KLF7: variants seen among roughly 807,000 people sequenced by gnomAD.
KLF7 encodes KLF transcription factor 7.
Under a neutral mutation model 27.3 loss-of-function variants are expected in KLF7, and 2 were observed. The ratio of observed to expected loss-of-function variants is 0.07; its 90% CI spans 0.03 to 0.23. The LOEUF is 0.23. Among genes scored for constraint, KLF7 ranks in the 10% least tolerant of loss-of-function variants. The probability of loss-of-function intolerance (pLI) is 1.00; values close to 1 mark genes in which losing one functional copy is unlikely to be tolerated. For synonymous variants in KLF7, 165 were observed against 162.4 expected (o/e 1.02, Z -0.12); for missense variants, 221 against 394.1 (o/e 0.56, Z 3.72).
upstream of KLF7, chr2:207,166,778 A>T: frequency 1.0e-6 from 1 of 991,044 alleles, no homozygotes; most frequent in Non-Finnish European, 1.2e-6. Flanking sequence ...CAGAAAAGGC[A>T]TCCAGGGCCC....
At chr2:207,100,921 G>C (rs886935794) in intron 2 of KLF7, among the ~76,000 whole-genome samples, 1 of 152,092 alleles carries the variant, frequency 6.6e-6, no homozygotes, top group Non-Finnish European at 1.5e-5. Context: ...TTTCTCATTG[G>C]CCTCTTTGTA....
At chr2:207,128,711 T>C (rs1188781924) in intron 1 of KLF7, among the ~76,000 whole-genome samples, 1 of 152,216 alleles carries the variant, frequency 6.6e-6, no homozygotes, top group African/African-American at 2.4e-5. Context: ...TTCTATGATA[T>C]TTCTGTCAAA....
chr2:207,139,424 T>A (rs1481707437), intron 1 of KLF7, among the ~76,000 whole-genome samples: 1 of 152,152 alleles, frequency 6.6e-6, no homozygotes, highest in Non-Finnish European at 1.5e-5. Context: ...TTTTTCACTG[T>A]TCTGTAACCA....
chr2:207,136,885 G>A (rs1297316027), intron 1 of KLF7, among the ~76,000 whole-genome samples: 2 of 152,114 alleles, frequency 1.3e-5, no homozygotes, highest in Non-Finnish European at 2.9e-5. Flanking sequence ...TTTCTCCTCA[G>A]TGCGAGTTTT....
At chr2:207,103,437 T>C (rs2076812534) in intron 2 of KLF7, among the ~76,000 whole-genome samples, 1 of 152,208 alleles carries the variant, frequency 6.6e-6, no homozygotes, top group African/African-American at 2.4e-5. Context: ...GCAGACTTTA[T>C]ATTAAAGAGA....
At chr2:207,167,712 C>T (rs1320538659), upstream of KLF7, among the ~76,000 whole-genome samples, 4 of 152,132 alleles carry the variant, frequency 2.6e-5, no homozygotes, top group African/African-American at 4.8e-5. Flanking sequence ...TGTGCAAGGA[C>T]GCTGCCAGCT....
intron 1 of KLF7, among the ~76,000 whole-genome samples, chr2:207,131,260 A>G (rs1307450747): frequency 6.6e-6 from 1 of 152,216 alleles, no homozygotes; most frequent in Non-Finnish European, 1.5e-5. Context: ...TAATTGCACA[A>G]GCAGGTAAAC....
intron 2 of KLF7, among the ~76,000 whole-genome samples, chr2:207,119,025 C>T (rs1417843682): frequency 6.6e-6 from 1 of 152,180 alleles, no homozygotes; most frequent in African/African-American, 2.4e-5. Flanking sequence ...AAGCAAATTG[C>T]ACACTTGTAT....
At chr2:207,104,094 AT>A (rs371692868) in intron 2 of KLF7, among the ~76,000 whole-genome samples, 45 of 152,314 alleles carry the variant, frequency 3.0e-4, no homozygotes, top group Middle Eastern at 3.4e-3. Flanking sequence ...TAAATGTGGC[AT>A]TGATTAGAAA....
At chr2:207,105,419 AG>A (rs1372405556) in intron 2 of KLF7, among the ~76,000 whole-genome samples, 2 of 152,178 alleles carry the variant, frequency 1.3e-5, no homozygotes, top group Non-Finnish European at 2.9e-5. Flanking sequence ...TTTCCATCTT[AG>A]GGAGGGGAAC....
rs778475315 is a variant in KLF7 at position 207,124,139 on chromosome 2, G to A, written c.368C>T (p.Thr123Ile). 2 of 1,614,198 alleles carry A rather than the reference G, an allele frequency of 1.2e-6. No individual in the cohort carries two copies. The highest frequency in any genetic ancestry group is 1.7e-6 in the Non-Finnish European group (2 of 1,180,038). ...QPASSSLDSY[T>I]AVNQAQLNAV... is the part of the protein sequence containing the mutation. ...GTTGAGCTGGGCCTGGTTGACGGCTGTGTAGCTGTCTAGAGAAGAGCTGGC... is the reference window on the plus strand; with the variant it reads ...GTTGAGCTGGGCCTGGTTGACGGCTATGTAGCTGTCTAGAGAAGAGCTGGC... Residue 123 changes from threonine to isoleucine, a missense_variant, in exon 2 of 4, where the codon ACA becomes ATA. Coordinates refer to ENST00000309446, the MANE Select transcript of KLF7 (RefSeq NM_003709.4).
At chr2:207,129,614 C>T (rs1056793281) in intron 1 of KLF7, among the ~76,000 whole-genome samples, 1 of 152,182 alleles carries the variant, frequency 6.6e-6, no homozygotes. Flanking sequence ...ATAGCATTCT[C>T]ACTTGTTGCA....
intron 1 of KLF7, chr2:207,149,079 C>T (rs2078172516): frequency 8.2e-7 from 1 of 1,222,926 alleles, no homozygotes; most frequent in African/African-American, 1.6e-5. Flanking sequence ...GATGCAGTTT[C>T]CATCAGCTCT....
At chr2:207,166,283 G>T, upstream of KLF7, 1 of 657,360 alleles carries the variant, frequency 1.5e-6, no homozygotes, top group Non-Finnish European at 1.9e-6. Flanking sequence ...GGCGGCGGGC[G>T]CGGATTGGCA....
chr2:207,116,092 G>T (rs1192595866), intron 2 of KLF7, among the ~76,000 whole-genome samples: 1 of 152,224 alleles, frequency 6.6e-6, no homozygotes, highest in African/African-American at 2.4e-5. Flanking sequence ...AAGACAAATA[G>T]AAACTGCCTG....
In KLF7 at chr2:207,134,175, T is replaced by TTTTA. The variant is rs10681871; in HGVS notation, c.103-9772_103-9771insTAAA. 2.8e-5 allele frequency: 38 copies of TTTTA among 1,360,456 alleles called. No individual in the cohort carries two copies. The South Asian group carries it at 2.8e-4, about 10-fold the overall frequency. The allele number at this position is 1,360,456 out of a possible 1,614,324, so 84.3% of individuals were successfully genotyped here. A position where few individuals can be genotyped will look rare whatever the true frequency, so the allele number is the denominator to read the frequency against. On this transcript the variant is annotated intron_variant, in intron 1 of 3. Transcript: ENST00000309446. The stretch of plus-strand genomic sequence containing the variant: ...TGGGATTTTTTTTTTTTTTTTTTTT[T>TTTTA]AAAGCAAACTCATTTCATTGGCTCC...
intron 1 of KLF7, among the ~76,000 whole-genome samples, chr2:207,154,264 G>A (rs954464348): frequency 1.3e-5 from 2 of 152,032 alleles, no homozygotes; most frequent in African/African-American, 2.4e-5. Flanking sequence ...TGTAGTAACC[G>A]GCACTGTATT....
In KLF7 at chr2:207,076,052, C is replaced by T. The variant is rs866697674; in HGVS notation, c.*5161G>A. On this transcript the variant is annotated 3_prime_UTR_variant, in exon 4 of 4. Transcript: ENST00000309446. ...ATACTGGCAATTATAAGCATCCATCCCCCCCAAAAGATATTAGGCACTGGT... is the reference window on the plus strand; with the variant it reads ...ATACTGGCAATTATAAGCATCCATCTCCCCCAAAAGATATTAGGCACTGGT... 25 of 151,944 alleles carry T rather than the reference C, an allele frequency of 1.6e-4. No individual in the cohort carries two copies. The highest frequency in any genetic ancestry group is 5.8e-4 in the African/African-American group (24 of 41,358). The allele number at this position is 151,944 out of a possible 1,614,324, so 9.4% of individuals were successfully genotyped here. A position where few individuals can be genotyped will look rare whatever the true frequency, so the allele number is the denominator to read the frequency against.
chr2:207,162,007 A>C (rs746343793), intron 1 of KLF7, among the ~76,000 whole-genome samples: 2 of 152,222 alleles, frequency 1.3e-5, no homozygotes, highest in Non-Finnish European at 2.9e-5. Flanking sequence ...CACGACGCAA[A>C]GCTAAGTCCA....
Sources: allele counts gnomAD v4.1 joint callset (sites outside exome capture counted in the v4.1 genomes callset), GRCh38; gene constraint gnomAD v4.1.1; transcripts MANE v1.5; gene names NCBI Gene and HGNC (gene_info 2026-07-23, HGNC 2026-07-21).